The following SNU13 variants were observed in gnomAD, a reference collection of about 807,000 sequenced individuals.
SNU13 encodes the protein small nuclear ribonucleoprotein 13, also known as NHP2-like protein 1.
A neutral mutation model predicts 12.4 loss-of-function variants in SNU13; 2 were observed. The ratio of observed to expected loss-of-function variants is 0.16; its 90% CI spans 0.07 to 0.51. The LOEUF (loss-of-function observed/expected upper bound fraction) is 0.51. Among genes scored for constraint, SNU13 ranks in the 20% least tolerant of loss-of-function variants. The pLI, the probability that SNU13 is intolerant of heterozygous loss-of-function variation, is 0.96. For synonymous variants in SNU13, 68 were observed against 66.5 expected (o/e 1.02, Z -0.11); for missense variants, 66 against 157.8 (o/e 0.42, Z 3.12).
chr22:41,686,814 A>G (rs1165226192), intron 1 of SNU13, among the ~76,000 whole-genome samples: 2 of 145,800 alleles, frequency 1.4e-5, no homozygotes, highest in African/African-American at 2.6e-5. Flanking sequence ...TTTAGTAGAG[A>G]TGGGGTTTCA....
At position 41,680,314 on chromosome 22, in the gene SNU13, G is replaced by C. The variant is rs201470767; in HGVS notation, c.54C>G (p.Leu18=). The C allele has an allele frequency of 8.7e-6, 14 of 1,614,094 alleles. No homozygotes were observed. Among genetic ancestry groups the C allele is most frequent in the Non-Finnish European group, 1.2e-5 (14 of 1,179,982 alleles). Reference sequence around the variant, plus strand: ...GAACGAGGTCCAGTAGCTTCTTGGTGAGGTGGGCATCGGCAAGGGGATAGG... The same window carrying C: ...GAACGAGGTCCAGTAGCTTCTTGGTCAGGTGGGCATCGGCAAGGGGATAGG... ...PKAYPLADAH[L]TKKLLDLVQQ... The change falls in exon 2 of 3, where the codon CTC becomes CTG. Residue 18 remains leucine (L), a synonymous_variant. Transcript: ENST00000401959.
chr22:41,680,153 G>C (rs748864828), intron 2 of SNU13, 91 bp downstream of exon 2: 24 of 1,440,854 alleles, frequency 1.7e-5, no homozygotes, highest in Non-Finnish European at 2.1e-5. Context: ...AGAGCAGCTA[G>C]CCCTCCTCCC....
At chr22:41,683,612 ATAT>A (rs1429789426) in intron 1 of SNU13, among the ~76,000 whole-genome samples, 1 of 152,150 alleles carries the variant, frequency 6.6e-6, no homozygotes, top group Non-Finnish European at 1.5e-5. Context: ...TACCTAATCT[ATAT>A]TATGTTTCAT....
At chr22:41,681,192 T>G (rs963694137) in intron 1 of SNU13, 1 of 152,230 alleles carries the variant, frequency 6.6e-6, no homozygotes, top group Non-Finnish European at 1.5e-5. Flanking sequence ...CCAAAATTGC[T>G]ACACCAATAT....
chr22:41,680,372 G>T lies in SNU13; in HGVS notation c.4-8C>A, dbSNP rs1451165490. 1 of 1,603,832 alleles carries T rather than the reference G, an allele frequency of 6.2e-7. No individual in the cohort carries two copies. Among genetic ancestry groups the T allele is most frequent in the Non-Finnish European group, 8.5e-7 (1 of 1,175,356 alleles). ...ATTCACATCAGCCTCAGTCTATGGG[G>T]GGGACATAAAAATATCAGACAAATT... On this transcript the variant is annotated splice_region_variant and splice_polypyrimidine_tract_variant and intron_variant, in intron 1 of 2. Transcript: ENST00000401959.
chr22:41,688,597 G>T (rs1199478910), intron 1 of SNU13, among the ~76,000 whole-genome samples, 197 bp downstream of exon 1: 1 of 152,220 alleles, frequency 6.6e-6, no homozygotes, highest in African/African-American at 2.4e-5. Context: ...GGGATCCTAA[G>T]GTTTCCTGAG....
At chr22:41,682,234 C>T in intron 1 of SNU13, 4 of 1,059,878 alleles carry the variant, frequency 3.8e-6, no homozygotes, top group Admixed American at 3.6e-5. Context: ...TGCCCGACAC[C>T]GCGCACCTGC....
rs1230976082 is a variant in SNU13, at chr22:41,674,183, A to T, written c.*750T>A. Reference sequence around the variant, plus strand: ...CTCCATGATCTTCCTGGAATCCTTCATGCCAGCATCAGTTCATGCTCTCTG... The same window carrying T: ...CTCCATGATCTTCCTGGAATCCTTCTTGCCAGCATCAGTTCATGCTCTCTG... On this transcript the variant is annotated 3_prime_UTR_variant, in exon 3 of 3. Transcript: ENST00000401959. 6.6e-6 allele frequency: 1 copy of T among 152,522 alleles called. No homozygotes were observed. Among genetic ancestry groups the T allele is most frequent in the Non-Finnish European group, 1.5e-5 (1 of 68,090 alleles). The allele number at this position is 152,522 out of a possible 1,614,324, so 9.4% of individuals were successfully genotyped here. A position where few individuals can be genotyped will look rare whatever the true frequency, so the allele number is the denominator to read the frequency against.
At chr22:41,689,095 C>T (rs2068338902), upstream of SNU13, 4 of 1,132,048 alleles carry the variant, frequency 3.5e-6, no homozygotes, top group South Asian at 3.7e-5. Context: ...GCCGCAGCGG[C>T]TTATGGCTGT....
chr22:41,680,880 G>T (rs1399046530), intron 1 of SNU13, among the ~76,000 whole-genome samples: 1 of 152,172 alleles, frequency 6.6e-6, no homozygotes, highest in African/African-American at 2.4e-5. Flanking sequence ...TTTTTGTGGA[G>T]ACAGGGTTTC....
At chr22:41,688,770 C>T in intron 1 of SNU13, 24 bp downstream of exon 1, 1 of 1,598,650 alleles carries the variant, frequency 6.3e-7, no homozygotes, top group Non-Finnish European at 8.6e-7. Context: ...GCTTCCCGGT[C>T]CCTCGGCCGG....
chr22:41,678,992 C>T (rs112625637), intron 2 of SNU13, among the ~76,000 whole-genome samples: 45 of 152,338 alleles, frequency 3.0e-4, no homozygotes, highest in Admixed American at 1.8e-3. Context: ...TGGTAGCTCA[C>T]GCCTGCTGTT....
Position 41,674,295 on chromosome 22 carries a change from T to C in SNU13, c.*638A>G, listed in dbSNP as rs1461782754. 2 of 153,114 alleles carry C rather than the reference T, an allele frequency of 1.3e-5. No homozygotes were observed. The highest frequency in any genetic ancestry group is 4.8e-5 in the African/African-American group (2 of 41,414). The allele number at this position is 153,114 out of a possible 1,614,324, so 9.5% of individuals were successfully genotyped here. The stretch of plus-strand genomic sequence containing the variant: ...GCTGCCTCCGGAGTCCTGCAGCACA[T>C]CTCTTTGGTATGCTGCTGCCCTGCT... On this transcript the variant is annotated 3_prime_UTR_variant, in exon 3 of 3. Coordinates refer to ENST00000401959, the MANE Select transcript of SNU13 (RefSeq NM_001003796.2).
Position 41,674,829 on chromosome 22 carries a change from ATAACAATAGAGAG to A in SNU13, c.*91_*103del. The stretch of plus-strand genomic sequence containing the variant: ...GAAACCAGATTTAGTACTACATTTT[ATAACAATAGAGAG>A]TAGCTGAAAATACTACATGCTAACA... On this transcript the variant is annotated 3_prime_UTR_variant, in exon 3 of 3. Transcript: ENST00000401959. The A allele has an allele frequency of 6.9e-7, 1 of 1,447,250 alleles. No individual in the cohort carries two copies. The highest frequency in any genetic ancestry group is 9.3e-7 in the Non-Finnish European group (1 of 1,070,932). The allele number at this position is 1,447,250 out of a possible 1,614,324, so 89.7% of individuals were successfully genotyped here.
intron 1 of SNU13, chr22:41,682,428 T>C: frequency 1.2e-6 from 2 of 1,612,334 alleles, no homozygotes; most frequent in Non-Finnish European, 1.7e-6. Context: ...GACGGTCTGC[T>C]GCCCAGCACC....
At chr22:41,684,612 CTT>C (rs1365768914) in intron 1 of SNU13, among the ~76,000 whole-genome samples, 2 of 152,092 alleles carry the variant, frequency 1.3e-5, no homozygotes, top group African/African-American at 2.4e-5. Context: ...TAATTTTTAA[CTT>C]ATTTCCTTTT....
Position 41,674,874 on chromosome 22 carries a change from A to C in SNU13, c.*59T>G. ...AAAATACTACATGCTAACACAGATA[A>C]TATGATACACAACCTCAGGGGGGAA... On this transcript the variant is annotated 3_prime_UTR_variant, in exon 3 of 3. Coordinates refer to ENST00000401959, the MANE Select transcript of SNU13 (RefSeq NM_001003796.2). The C allele has an allele frequency of 1.3e-6, 2 of 1,584,676 alleles. No homozygotes were observed.
intron 2 of SNU13, 76 bp from the exon 3 acceptor site, chr22:41,675,271 C>A: frequency 6.5e-7 from 1 of 1,544,822 alleles, no homozygotes. Context: ...GGGAAGAATG[C>A]CTAGGCACAC....
Position 41,680,373 on chromosome 22 carries a change from G to T in SNU13, c.4-9C>A. 3 of 1,602,916 alleles carry T rather than the reference G, an allele frequency of 1.9e-6. No individual in the cohort carries two copies. The highest frequency in any genetic ancestry group is 1.7e-4 in the Middle Eastern group (1 of 6,008). ...TTCACATCAGCCTCAGTCTATGGGG[G>T]GGACATAAAAATATCAGACAAATTG... On this transcript the variant is annotated splice_polypyrimidine_tract_variant and intron_variant, in intron 1 of 2. Transcript: ENST00000401959.
Sources: gnomAD v4.1 joint callset for allele counts (sites outside exome capture counted in the v4.1 genomes callset) on GRCh38, gnomAD v4.1.1 for gene constraint, MANE v1.5 for transcripts, NCBI Gene and HGNC (gene_info 2026-07-23, HGNC 2026-07-21) for gene names.